INPP4B: variants seen among roughly 807,000 people sequenced by gnomAD.
The protein encoded by INPP4B is inositol polyphosphate-4-phosphatase type II B.
Under a neutral mutation model 122.5 loss-of-function variants are expected in INPP4B, and 55 were observed. That is an observed-to-expected ratio of 0.45 (90% CI 0.36 to 0.56). The LOEUF (loss-of-function observed/expected upper bound fraction) is 0.56, where lower values mean the gene tolerates loss of function less well. Ranked by LOEUF, INPP4B falls within the 20% of genes least tolerant of loss-of-function variation. The probability of loss-of-function intolerance (pLI) is 0.00; values close to 1 mark genes in which losing one functional copy is unlikely to be tolerated. For missense variants in INPP4B, 1,000 were observed against 1,097.7 expected (o/e 0.91, Z 1.26); for synonymous variants, 403 against 388.7 (o/e 1.04, Z -0.43).
intron 16 of INPP4B, among the ~76,000 whole-genome samples, chr4:142,170,107 A>G (rs1824861629): frequency 6.6e-6 from 1 of 151,540 alleles, no homozygotes; most frequent in African/African-American, 2.4e-5. Flanking sequence ...ATGCATTTTT[A>G]TCTCACTCTA....
At chr4:142,410,306 AC>A (rs1804333002) in intron 5 of INPP4B, among the ~76,000 whole-genome samples, 1 of 152,226 alleles carries the variant, frequency 6.6e-6, no homozygotes, top group Non-Finnish European at 1.5e-5. Flanking sequence ...CCACTGAGGC[AC>A]TGTGAATTGG....
chr4:142,714,687 A>T (rs1250174612), intron 2 of INPP4B, among the ~76,000 whole-genome samples: 2 of 152,212 alleles, frequency 1.3e-5, no homozygotes, highest in African/African-American at 2.4e-5. Context: ...ACACCCAGGG[A>T]GAATAAAGGC....
intron 2 of INPP4B, among the ~76,000 whole-genome samples, chr4:142,548,383 A>G (rs1239736621): frequency 6.6e-6 from 1 of 152,208 alleles, no homozygotes; most frequent in Non-Finnish European, 1.5e-5. Flanking sequence ...GACACAAAAA[A>G]GGTCATGAAA....
intron 2 of INPP4B, among the ~76,000 whole-genome samples, chr4:142,463,958 A>C (rs181503206): frequency 3.5e-4 from 53 of 152,290 alleles, no homozygotes; most frequent in African/African-American, 1.3e-3. Flanking sequence ...ATATATTAGT[A>C]AAACGATCAG....
intron 2 of INPP4B, among the ~76,000 whole-genome samples, chr4:142,638,360 A>G (rs887678957): frequency 8.6e-5 from 13 of 151,978 alleles, no homozygotes; most frequent in African/African-American, 3.1e-4. Context: ...TTTTGAGTAA[A>G]TTTTCATGAA....
intron 2 of INPP4B, among the ~76,000 whole-genome samples, chr4:142,475,910 T>G (rs1819712220): frequency 6.6e-6 from 1 of 152,180 alleles, no homozygotes; most frequent in African/African-American, 2.4e-5. Flanking sequence ...AGTAAGCAAC[T>G]TGCAAAACAT....
chr4:142,601,615 A>G (rs1739942130), intron 2 of INPP4B, among the ~76,000 whole-genome samples: 2 of 151,824 alleles, frequency 1.3e-5, no homozygotes, highest in South Asian at 4.1e-4. Context: ...AAGATTTCAA[A>G]TATACAACCT....
chr4:142,385,855 T>C (rs1371172311), intron 7 of INPP4B, among the ~76,000 whole-genome samples: 2 of 152,208 alleles, frequency 1.3e-5, no homozygotes, highest in African/African-American at 2.4e-5. Flanking sequence ...CATTGTGGAA[T>C]AATTAAATCA....
chr4:142,781,928 A>T (rs961205505), intron 1 of INPP4B, among the ~76,000 whole-genome samples: 5 of 152,154 alleles, frequency 3.3e-5, no homozygotes, highest in Admixed American at 6.5e-5. Flanking sequence ...TTCAGCTGAA[A>T]TGACTTATTC....
chr4:142,789,800 A>T (rs1776279671), intron 1 of INPP4B, among the ~76,000 whole-genome samples: 1 of 152,166 alleles, frequency 6.6e-6, no homozygotes, highest in South Asian at 2.1e-4. Flanking sequence ...CAAAAAGAAT[A>T]AATCTAGAAG....
intron 23 of INPP4B, among the ~76,000 whole-genome samples, chr4:142,100,249 T>C (rs1007918976): frequency 6.6e-6 from 1 of 152,144 alleles, no homozygotes; most frequent in African/African-American, 2.4e-5. Flanking sequence ...AGGAGGAAGA[T>C]AGAAGCCAGC....
chr4:142,488,671 AGTTGGTCACTGTT>A (rs1821481942), intron 2 of INPP4B, among the ~76,000 whole-genome samples: 1 of 152,200 alleles, frequency 6.6e-6, no homozygotes, highest in East Asian at 1.9e-4. Context: ...ATTGGCCTAA[AGTTGGTCACTGTT>A]CATAATACTC....
At chr4:142,642,273 TA>T (rs1209570910) in intron 2 of INPP4B, among the ~76,000 whole-genome samples, 1 of 152,212 alleles carries the variant, frequency 6.6e-6, no homozygotes, top group Admixed American at 6.5e-5. Flanking sequence ...TGAGTTTAAT[TA>T]GATCCCATTT....
chr4:142,675,685 G>T (rs1757659895), intron 2 of INPP4B, among the ~76,000 whole-genome samples: 1 of 152,120 alleles, frequency 6.6e-6, no homozygotes, highest in South Asian at 2.1e-4. Context: ...ACGCAAGTCT[G>T]GTTCAACATA....
At chr4:142,320,145 A>G (rs1187123942) in intron 7 of INPP4B, among the ~76,000 whole-genome samples, 1 of 152,192 alleles carries the variant, frequency 6.6e-6, no homozygotes, top group Non-Finnish European at 1.5e-5. Context: ...AGCCCTTGCC[A>G]TGCTCCCTCC....
chr4:142,425,137 G>T (rs1428006792), intron 5 of INPP4B: 1 of 151,966 alleles, frequency 6.6e-6, no homozygotes, highest in Non-Finnish European at 1.5e-5. Context: ...AAATAAAACA[G>T]CTCCACAAAA....
chr4:142,625,476 TAA>T (rs1293423955), intron 2 of INPP4B, among the ~76,000 whole-genome samples: 1 of 151,922 alleles, frequency 6.6e-6, no homozygotes, highest in African/African-American at 2.4e-5. Context: ...CTCAATGAAA[TAA>T]AAGAGGACAC....
chr4:142,456,862 A>G (rs866796880), intron 3 of INPP4B, among the ~76,000 whole-genome samples: 24 of 152,188 alleles, frequency 1.6e-4, no homozygotes, highest in Non-Finnish European at 2.4e-4. Flanking sequence ...CCATATATGG[A>G]AAGGCAAAGA....
intron 2 of INPP4B, chr4:142,566,237 T>C (rs1206191482): frequency 6.6e-6 from 1 of 152,170 alleles, no homozygotes; most frequent in African/African-American, 2.4e-5. Flanking sequence ...ATGGAAGGCA[T>C]TGATGCCTGT....
Sources: gnomAD v4.1 joint callset for allele counts (sites outside exome capture counted in the v4.1 genomes callset) on GRCh38, gnomAD v4.1.1 for gene constraint, MANE v1.5 for transcripts, NCBI Gene and HGNC (gene_info 2026-07-23, HGNC 2026-07-21) for gene names.